Variants in IL13RA1 observed in about 807,000 individuals in gnomAD.
The protein encoded by IL13RA1 is interleukin-13 receptor subunit alpha-1.
In IL13RA1, 14 loss-of-function variants were observed where a neutral mutation model predicts 33.8. That is an observed-to-expected ratio of 0.41 (90% CI 0.27 to 0.65). The LOEUF is 0.65. Ranked by LOEUF, IL13RA1 falls within the 30% of genes least tolerant of loss-of-function variation. IL13RA1 has a pLI of 0.28. For missense variants in IL13RA1, 313 were observed against 327.0 expected (o/e 0.96, Z 0.33); for synonymous variants, 116 against 115.7 (o/e 1.00, Z -0.02).
chrX:118,758,384 TGATA>T (rs1444508326), intron 5 of IL13RA1, 142 bp downstream of exon 5: 15 of 343,655 alleles, frequency 4.4e-5, no homozygotes, highest in Middle Eastern at 8.2e-4. Flanking sequence ...TAACTTTCTT[TGATA>T]GATCCTTTTT....
intron 6 of IL13RA1, among the ~76,000 whole-genome samples, chrX:118,766,003 A>G (rs1036038141): frequency 1.8e-5 from 2 of 112,231 alleles, no homozygotes; most frequent in Admixed American, 9.5e-5. Flanking sequence ...GTAAGAAAAA[A>G]TACATATGCA....
intron 4 of IL13RA1, among the ~76,000 whole-genome samples, chrX:118,756,504 C>A (rs1272966242): frequency 9.0e-6 from 1 of 111,215 alleles, no homozygotes; most frequent in African/African-American, 3.3e-5. Context: ...TGTTTTAGAA[C>A]ATTGACCTGG....
intron 4 of IL13RA1, among the ~76,000 whole-genome samples, chrX:118,753,987 C>T (rs2017498823): frequency 8.9e-6 from 1 of 112,549 alleles, no homozygotes; most frequent in Non-Finnish European, 1.9e-5. Context: ...CATAGTCTCG[C>T]CAACCACTTT....
chrX:118,758,104 G>A lies in IL13RA1; in HGVS notation c.538G>A (p.Gly180Ser). 8.5e-7 allele frequency: 1 copy of A among 1,171,790 alleles called. No individual in the cohort carries two copies. The highest frequency in any genetic ancestry group is 1.2e-6 in the Non-Finnish European group (1 of 862,879). The change falls in exon 5 of 11, where the codon GGC (glycine) becomes AGC (serine). Residue 180 changes from glycine (G) to serine (S), a missense_variant. Coordinates refer to ENST00000371666, the MANE Select transcript of IL13RA1 (RefSeq NM_001560.3). The part of the protein sequence containing the change: ...IHQCENIFRE[G>S]QYFGCSFDLT... ...TCAATGTGAAAACATCTTTAGAGAA[G>A]GCCAATACTTTGGTTGTTCCTTTGA... is the stretch of plus-strand genomic sequence containing the variant.
Position 118,793,147 on chromosome X carries a change from G to C in IL13RA1, c.*1293G>C, listed in dbSNP as rs1490806298. 9.0e-6 allele frequency: 1 copy of C among 111,663 alleles called. No individual in the cohort carries two copies. The highest frequency in any genetic ancestry group is 1.9e-5 in the Non-Finnish European group (1 of 53,120). 9.2% of individuals were successfully genotyped at this position (111,663 alleles called of 1,213,427 possible). ...CCTTTTGACTTTCATTGGAAATTAG[G>C]ATGTAAATCTGCTCAGGAGACCTGG... On this transcript the variant is annotated 3_prime_UTR_variant, in exon 11 of 11. Transcript: ENST00000371666.
At chrX:118,730,739 G>A (rs931501026) in intron 1 of IL13RA1, among the ~76,000 whole-genome samples, 1 of 112,174 alleles carries the variant, frequency 8.9e-6, no homozygotes, top group African/African-American at 3.2e-5. Context: ...ATCTATGGTT[G>A]CAGGTCTCCA....
chrX:118,760,962 T>G (rs888004626), intron 5 of IL13RA1, among the ~76,000 whole-genome samples, 176 bp from the exon 6 acceptor site: 6 of 112,543 alleles, frequency 5.3e-5, no homozygotes, highest in Non-Finnish European at 1.1e-4. Flanking sequence ...AGGGAATAAA[T>G]GAGAAGAAAA....
downstream of IL13RA1, among the ~76,000 whole-genome samples, chrX:118,798,572 C>G (rs780262243): frequency 8.9e-6 from 1 of 111,882 alleles, no homozygotes; most frequent in African/African-American, 3.3e-5. Flanking sequence ...TTCTCTAGGC[C>G]GAGCACCTAG....
chrX:118,800,280 C>T, the IL13RA1 span, among the ~76,000 whole-genome samples: 2 of 110,005 alleles, frequency 1.8e-5, no homozygotes, highest in Non-Finnish European at 3.8e-5. Context: ...CCGCGCGGGT[C>T]CCCTTCCACT....
In IL13RA1 at chrX:118,792,189, T is replaced by C. The variant is rs2017983121; in HGVS notation, c.*335T>C. 1 of 128,117 alleles carries C rather than the reference T, an allele frequency of 7.8e-6. No homozygotes were observed. Among genetic ancestry groups the C allele is most frequent in the Non-Finnish European group, 1.6e-5 (1 of 63,993 alleles). The allele number at this position is 128,117 out of a possible 1,213,427, so 10.6% of individuals were successfully genotyped here. A position where few individuals can be genotyped will look rare whatever the true frequency, so the allele number is the denominator to read the frequency against. On this transcript the variant is annotated 3_prime_UTR_variant, in exon 11 of 11. Transcript: ENST00000371666. ...GGGATCTATACTTGCTTTGTGTTCTTTGTGTCAACATGAACAAATTTTATT... is the reference window on the plus strand; with the variant it reads ...GGGATCTATACTTGCTTTGTGTTCTCTGTGTCAACATGAACAAATTTTATT...
chrX:118,767,067 T>C, intron 8 of IL13RA1, 91 bp downstream of exon 8: 1 of 475,146 alleles, frequency 2.1e-6, no homozygotes, highest in African/African-American at 2.4e-5. Flanking sequence ...GGGACTGTCA[T>C]GCTCTCTTGA....
chrX:118,747,676 C>T (rs2017422130), intron 3 of IL13RA1, among the ~76,000 whole-genome samples: 1 of 111,371 alleles, frequency 9.0e-6, no homozygotes, highest in African/African-American at 3.3e-5. Context: ...TACAAGACAA[C>T]CTTAGGAAAA....
Position 118,773,262 on chromosome X carries a change from G to A in IL13RA1, c.1010-617G>A, listed in dbSNP as rs756711054. 1.1e-4 allele frequency among the ~76,000 whole-genome samples: 12 copies of A among 111,945 alleles called. No individual in the cohort carries two copies. In the South Asian group the frequency reaches 3.0e-3, roughly 28 times the overall value. Reference sequence around the variant, plus strand: ...TCCCAGCAATTTGTGAGGCTGAGGCGGACAGAACACTTGAGGTCAAGAGTT... The same window carrying A: ...TCCCAGCAATTTGTGAGGCTGAGGCAGACAGAACACTTGAGGTCAAGAGTT... On this transcript the variant is annotated intron_variant, in intron 8 of 10. Coordinates refer to ENST00000371666, the MANE Select transcript of IL13RA1 (RefSeq NM_001560.3).
intron 4 of IL13RA1, among the ~76,000 whole-genome samples, chrX:118,757,039 G>A (rs761869353): frequency 6.0e-4 from 67 of 111,870 alleles, no homozygotes; most frequent in African/African-American, 2.2e-3. Context: ...CTGGAAGAGA[G>A]AGGAGGGAAC....
chrX:118,794,884 C>G (rs1337089649), downstream of IL13RA1, among the ~76,000 whole-genome samples: 1 of 111,211 alleles, frequency 9.0e-6, no homozygotes, highest in Non-Finnish European at 1.9e-5. Context: ...TGTGCAATGT[C>G]TAGTCACAAG....
In IL13RA1 at chrX:118,748,126, A is replaced by G. The variant is rs1195165412; in HGVS notation, c.367+1034A>G. 6.0e-5 allele frequency among the ~76,000 whole-genome samples: 6 copies of G among 100,273 alleles called. No homozygotes were observed. In the East Asian group the frequency reaches 1.8e-3, roughly 30 times the overall value. 87.1% of individuals were successfully genotyped at this position (100,273 alleles called of 115,157 possible). On this transcript the variant is annotated intron_variant, in intron 3 of 10. Coordinates refer to ENST00000371666, the MANE Select transcript of IL13RA1 (RefSeq NM_001560.3). ...CATTATATGTAATATATATAATATT[A>G]TATAATATATAATTATATATAATAT...
At chrX:118,747,740 CCTT>C (rs1236857935) in intron 3 of IL13RA1, among the ~76,000 whole-genome samples, 1 of 110,771 alleles carries the variant, frequency 9.0e-6, no homozygotes, top group Non-Finnish European at 1.9e-5. Context: ...CTCCCAATGT[CCTT>C]CTGGCTCTTA....
At chrX:118,746,429 T>C (rs1302176635) in intron 2 of IL13RA1, among the ~76,000 whole-genome samples, 1 of 112,355 alleles carries the variant, frequency 8.9e-6, no homozygotes, top group East Asian at 2.8e-4. Context: ...TCCTGGATTC[T>C]TAAAGCATCC....
At chrX:118,804,627 G>A in the IL13RA1 span, among the ~76,000 whole-genome samples, 2 of 112,029 alleles carry the variant, frequency 1.8e-5, no homozygotes, top group African/African-American at 3.2e-5. Context: ...ATTTTACAAT[G>A]CACTGAAAAT....
Sources: gnomAD v4.1 joint callset for allele counts (sites outside exome capture counted in the v4.1 genomes callset) on GRCh38, gnomAD v4.1.1 for gene constraint, MANE v1.5 for transcripts, NCBI Gene and HGNC (gene_info 2026-07-23, HGNC 2026-07-21) for gene names.